The following PEX5 variants were observed in gnomAD, a reference collection of about 807,000 sequenced individuals.
PEX5 encodes the protein PTS1 receptor.
A neutral mutation model predicts 82.9 loss-of-function variants in PEX5; 52 were observed. The ratio of observed to expected loss-of-function variants is 0.63; its 90% CI spans 0.50 to 0.79. PEX5 has a LOEUF of 0.79. Among genes scored for constraint, PEX5 ranks in the 30% least tolerant of loss-of-function variants. PEX5 has a pLI of 0.00. For synonymous variants in PEX5, 300 were observed against 318.8 expected (o/e 0.94, Z 0.63); for missense variants, 719 against 815.2 (o/e 0.88, Z 1.44).
chr12:7,191,761 C>T, intron 5 of PEX5, 61 bp downstream of exon 5: 1 of 1,488,974 alleles, frequency 6.7e-7, no homozygotes, highest in Non-Finnish European at 9.4e-7. Context: ...TATACCCTTC[C>T]CCTGTTCACG....
intron 14 of PEX5, among the ~76,000 whole-genome samples, chr12:7,209,420 T>C (rs1257105537): frequency 6.6e-6 from 1 of 152,272 alleles, no homozygotes; most frequent in South Asian, 2.1e-4. Context: ...CAGTGTTCCA[T>C]GTACTGACTG....
chr12:7,199,406 C>CT (rs1565694634), intron 6 of PEX5, among the ~76,000 whole-genome samples: 2 of 147,808 alleles, frequency 1.4e-5, no homozygotes, highest in Non-Finnish European at 3.0e-5. Flanking sequence ...GGTGATGACT[C>CT]TTAAAGAGCA....
At chr12:7,197,309 G>GTAA (rs1315516934) in intron 5 of PEX5, among the ~76,000 whole-genome samples, 1 of 83,122 alleles carries the variant, frequency 1.2e-5, no homozygotes, top group African/African-American at 5.2e-5. Flanking sequence ...CATATATAAT[G>GTAA]TAATCATATG....
intron 1 of PEX5, chr12:7,190,043 T>C: frequency 9.3e-6 from 14 of 1,503,024 alleles, no homozygotes; most frequent in Non-Finnish European, 1.1e-5. Flanking sequence ...AGCCTGGTTG[T>C]TGAAGCGTCC....
intron 6 of PEX5, among the ~76,000 whole-genome samples, chr12:7,200,884 G>C (rs1591740934): frequency 7.3e-6 from 1 of 137,132 alleles, no homozygotes; most frequent in Non-Finnish European, 1.5e-5. Flanking sequence ...ACCGTGGAAA[G>C]AGAGGGGGAG....
intron 8 of PEX5, 46 bp from the exon 9 acceptor site, chr12:7,202,566 A>G (rs1238887444): frequency 1.2e-5 from 19 of 1,538,930 alleles, no homozygotes; most frequent in Non-Finnish European, 1.6e-5. Context: ...CGTCTGATGG[A>G]TAGAAAGTTG....
At chr12:7,213,385 T>C (rs768307517), downstream of PEX5, among the ~76,000 whole-genome samples, 9 of 148,488 alleles carry the variant, frequency 6.1e-5, no homozygotes, top group East Asian at 3.9e-4. Flanking sequence ...AACAGAGATA[T>C]AGATCAATGG....
chr12:7,215,475 G>A (rs921271698), downstream of PEX5, among the ~76,000 whole-genome samples: 1 of 152,118 alleles, frequency 6.6e-6, no homozygotes, highest in African/African-American at 2.4e-5. Context: ...TGATAGCAAC[G>A]ACGTGGAATC....
At chr12:7,207,108 T>A (rs1465246463) in intron 10 of PEX5, among the ~76,000 whole-genome samples, 1 of 152,216 alleles carries the variant, frequency 6.6e-6, no homozygotes, top group African/African-American at 2.4e-5. Flanking sequence ...TTCATGATTA[T>A]TAAGAATGAA....
At chr12:7,212,994 A>G (rs1474739642), downstream of PEX5, 2 of 152,208 alleles carry the variant, frequency 1.3e-5, no homozygotes, top group African/African-American at 4.8e-5. Flanking sequence ...TTAAGCTATA[A>G]AATACCTAGG....
At chr12:7,212,755 G>GTT (rs1400467063), downstream of PEX5, 1 of 152,178 alleles carries the variant, frequency 6.6e-6, no homozygotes, top group Non-Finnish European at 1.5e-5. Context: ...CTTGGTGCAT[G>GTT]TTTGATACTT....
chr12:7,197,285 ATAATTATATATG>A (rs1942774294), intron 5 of PEX5, among the ~76,000 whole-genome samples: 1 of 138,024 alleles, frequency 7.2e-6, no homozygotes, highest in Non-Finnish European at 1.5e-5. Context: ...ATATAATGTA[ATAATTATATATG>A]TCATATATAA....
At chr12:7,191,185 C>T in intron 3 of PEX5, 41 bp from the exon 4 acceptor site, 1 of 1,614,046 alleles carries the variant, frequency 6.2e-7, no homozygotes, top group East Asian at 2.2e-5. Flanking sequence ...GCTGGGGCCT[C>T]CCAAGCCTAT....
intron 5 of PEX5, among the ~76,000 whole-genome samples, chr12:7,197,242 T>TGTAATTATATATGTCATATGTAATTA (rs1565687358): frequency 9.4e-5 from 1 of 10,668 alleles, no homozygotes; most frequent in African/African-American, 2.4e-4. Flanking sequence ...TATGTAATAA[T>TGTAATTATATATGTCATATGTAATTA]TATATGTCAT....
At chr12:7,213,945 T>A (rs1361395527), downstream of PEX5, among the ~76,000 whole-genome samples, 6 of 151,504 alleles carry the variant, frequency 4.0e-5, no homozygotes, top group Non-Finnish European at 5.9e-5. Context: ...AAGAAGACAT[T>A]TATGCAGCCA....
chr12:7,193,406 G>C (rs1311423708), intron 5 of PEX5, among the ~76,000 whole-genome samples: 1 of 151,980 alleles, frequency 6.6e-6, no homozygotes, highest in Non-Finnish European at 1.5e-5. Context: ...GCTAATTTTG[G>C]TATTTTTAGT....
rs146024341 is a variant in PEX5, at chr12:7,201,790, G to A, written c.591G>A (p.Thr197=). The part of the protein sequence containing the change: ...EYHPEEDLQH[T]ASDFVAKVDD... ...ATCCTGAGGAGGATCTGCAGCACAC[G>A]GCCAGTGACTTTGTGGCCAAAGTGG... Residue 197 remains threonine, a synonymous_variant, in exon 7 of 16, where the codon ACG becomes ACA. Coordinates refer to ENST00000675855, the MANE Select transcript of PEX5 (RefSeq NM_001351132.2). 118 of 1,613,858 alleles carry A rather than the reference G, an allele frequency of 7.3e-5. No homozygotes were observed. The highest frequency in any genetic ancestry group is 8.9e-5 in the Non-Finnish European group (105 of 1,179,922).
intron 8 of PEX5, 50 bp from the exon 9 acceptor site, chr12:7,202,562 A>T: frequency 1.3e-6 from 2 of 1,524,200 alleles, no homozygotes; most frequent in South Asian, 2.2e-5. Flanking sequence ...TGTGCGTCTG[A>T]TGGATAGAAA....
At chr12:7,198,067 A>C (rs1248839973) in intron 5 of PEX5, among the ~76,000 whole-genome samples, 5 of 151,472 alleles carry the variant, frequency 3.3e-5, no homozygotes, top group Non-Finnish European at 7.4e-5. Flanking sequence ...TGGCCACAGG[A>C]TAGTAAAGGG....
Sources: allele counts gnomAD v4.1 joint callset (sites outside exome capture counted in the v4.1 genomes callset), GRCh38; gene constraint gnomAD v4.1.1; transcripts MANE v1.5; gene names NCBI Gene and HGNC (gene_info 2026-07-23, HGNC 2026-07-21).